Variants in DCTPP1 observed in about 807,000 individuals in gnomAD.
DCTPP1 encodes the protein dCTP pyrophosphatase 1.
Under a neutral mutation model 8.8 loss-of-function variants are expected in DCTPP1, and 8 were observed. The observed-to-expected ratio is 0.91, with a 90% confidence interval of 0.54 to 1.64. The LOEUF is 1.64. DCTPP1 is among the 40% of genes most tolerant of loss of function. The pLI, the probability that DCTPP1 is intolerant of heterozygous loss-of-function variation, is 0.00. For missense variants in DCTPP1, 231 were observed against 230.4 expected, an observed-to-expected ratio of 1.00 and a Z score of -0.02; for synonymous variants, 85 against 92.1, an observed-to-expected ratio of 0.92 and a Z score of 0.44.
intron 2 of DCTPP1, 129 bp downstream of exon 2, chr16:30,428,928 C>G (rs767408935): frequency 7.6e-5 from 76 of 1,002,444 alleles, no homozygotes; most frequent in Non-Finnish European, 1.1e-4. Flanking sequence ...CTCTCTGCAT[C>G]CCAACAACAG....
intron 1 of DCTPP1, 74 bp from the exon 2 acceptor site, chr16:30,429,241 C>A: frequency 2.0e-6 from 3 of 1,495,070 alleles, no homozygotes; most frequent in Non-Finnish European, 2.8e-6. Context: ...GGCAGCTACC[C>A]CCGTAGTATG....
At position 30,429,991 on chromosome 16, in the gene DCTPP1, G is replaced by A. The variant is rs372109503; in HGVS notation, c.-11C>T. On this transcript the variant is annotated 5_prime_UTR_variant, in exon 1 of 3. Coordinates refer to ENST00000319285, the MANE Select transcript of DCTPP1 (RefSeq NM_024096.2). ...ACCGGCCACAGACATGCCGCCCACC[G>A]CTGCACCGCGACTTCACGGAAAACC... The A allele has an allele frequency of 8.0e-6, 12 of 1,497,282 alleles. No individual in the cohort carries two copies. The highest frequency in any genetic ancestry group is 2.9e-5 in the African/African-American group (2 of 69,608). 92.7% of individuals were successfully genotyped at this position (1,497,282 alleles called of 1,614,324 possible). A position where few individuals can be genotyped will look rare whatever the true frequency, so the allele number is the denominator to read the frequency against.
At position 30,427,274 on chromosome 16, in the gene DCTPP1, T is replaced by G. The variant is rs562638258; in HGVS notation, c.212+1783A>C. Among the ~76,000 whole-genome samples the G allele has an allele frequency of 5.0e-3, 761 of 151,026 alleles. 7 individuals are homozygous for G. Among genetic ancestry groups the G allele is most frequent in the African/African-American group, 0.017 (720 of 41,164 alleles). ...ATCTGCCCGTCTCAGCCTCCCAAAG[T>G]GCTGGGATTACAGGTGTGAGCCACC... On this transcript the variant is annotated intron_variant, in intron 2 of 2. Coordinates refer to ENST00000319285, the MANE Select transcript of DCTPP1 (RefSeq NM_024096.2).
rs748330412 is a variant in DCTPP1, at chr16:30,429,900, C to CGGGCTG, written c.75_80dup (p.Ser26_Pro27dup). On this transcript the variant is annotated inframe_insertion, in exon 1 of 3. Coordinates refer to ENST00000319285, the MANE Select transcript of DCTPP1 (RefSeq NM_024096.2). ...CTTACATGTCCTCGAGCGTGGGCTCCGGGCTGAAGCTGAACCGGCCGGGAG... is the reference window on the plus strand; with the variant it reads ...CTTACATGTCCTCGAGCGTGGGCTCCGGGCTGGGGCTGAAGCTGAACCGGCCGGGAG... 15 of 1,595,520 alleles carry CGGGCTG rather than the reference C, an allele frequency of 9.4e-6. No homozygotes were observed. The highest frequency in any genetic ancestry group is 1.7e-5 in the Admixed American group (1 of 58,310).
chr16:30,426,472 G>C (rs1012228251), intron 2 of DCTPP1, among the ~76,000 whole-genome samples: 1 of 120,656 alleles, frequency 8.3e-6, no homozygotes, highest in East Asian at 2.9e-4. Flanking sequence ...ACAGCACCTG[G>C]CCGGTTTTTT....
chr16:30,428,582 C>G (rs1364492694), intron 2 of DCTPP1, among the ~76,000 whole-genome samples: 1 of 151,728 alleles, frequency 6.6e-6, no homozygotes, highest in Non-Finnish European at 1.5e-5. Context: ...CTAGCCTGAC[C>G]AATATGGTGA....
At chr16:30,425,734 T>C (rs1339968608) in intron 2 of DCTPP1, among the ~76,000 whole-genome samples, 1 of 152,090 alleles carries the variant, frequency 6.6e-6, no homozygotes, top group Non-Finnish European at 1.5e-5. Flanking sequence ...GAAGAATCGC[T>C]TGAACCCGGG....
rs770715518 is a variant in DCTPP1 at position 30,429,140 on chromosome 16, C to G, written c.129G>C (p.Ala43=). The G allele has an allele frequency of 3.1e-6, 5 of 1,613,886 alleles. No individual in the cohort carries two copies. Among genetic ancestry groups the G allele is most frequent in the Non-Finnish European group, 4.2e-6 (5 of 1,179,918 alleles). The stretch of plus-strand genomic sequence containing the variant: ...GATGGAACTGTTCCCAGTCTCGTTC[C>G]GCAGCAAACTCAGCATGGAGGCGGC... ...DIRRLHAEFA[A]ERDWEQFHQP... Residue 43 remains alanine, a synonymous_variant, in exon 2 of 3, where the codon GCG becomes GCC. Transcript: ENST00000319285.
intron 2 of DCTPP1, among the ~76,000 whole-genome samples, chr16:30,426,081 TCCCCATC>T (rs2050190684): frequency 6.6e-6 from 1 of 152,206 alleles, no homozygotes; most frequent in Admixed American, 6.5e-5. Context: ...CTTGAATGCT[TCCCCATC>T]CCCCATCATT....
In DCTPP1 at chr16:30,424,152, A is replaced by G; in HGVS notation, c.*81T>C. On this transcript the variant is annotated 3_prime_UTR_variant, in exon 3 of 3. Transcript: ENST00000319285. The stretch of plus-strand genomic sequence containing the variant: ...CTCAGGCCCATGATCTATTCTGAAA[A>G]GACTAGAAAAAGGCTCCAGGGCCAG... 6.6e-7 allele frequency: 1 copy of G among 1,506,476 alleles called. No individual in the cohort carries two copies. The highest frequency in any genetic ancestry group is 2.3e-5 in the East Asian group (1 of 42,914). 93.3% of individuals were successfully genotyped at this position (1,506,476 alleles called of 1,614,324 possible). A position where few individuals can be genotyped will look rare whatever the true frequency, so the allele number is the denominator to read the frequency against.
chr16:30,427,048 C>T (rs554358972), intron 2 of DCTPP1, among the ~76,000 whole-genome samples: 3 of 148,302 alleles, frequency 2.0e-5, no homozygotes, highest in Non-Finnish European at 4.5e-5. Context: ...CTTGCTCTGT[C>T]GCCCAGGCTA....
In DCTPP1 at chr16:30,429,848, TCCCCACCCCGAG is replaced by T. The variant is rs532394112; in HGVS notation, c.101+20_101+31del. ...CAAAACGCGGGAGAAAGGGGCGACT[TCCCCACCCCGAG>T]CTGGGCCAGGCCTGCTTACATGTCC... On this transcript the variant is annotated intron_variant, in intron 1 of 2. Coordinates refer to ENST00000319285, the MANE Select transcript of DCTPP1 (RefSeq NM_024096.2). 2.3e-4 allele frequency: 370 copies of T among 1,575,768 alleles called. 1 individual carries two copies. The African/African-American group carries it at 4.6e-3, about 19-fold the overall frequency.
chr16:30,429,109 G>C lies in DCTPP1; in HGVS notation c.160C>G (p.Arg54Gly), dbSNP rs747527404. The C allele has an allele frequency of 9.3e-6, 15 of 1,613,890 alleles. No individual in the cohort carries two copies. The highest frequency in any genetic ancestry group is 2.2e-5 in the East Asian group (1 of 44,868). Residue 54 changes from arginine (R) to glycine (G), a missense_variant, in exon 2 of 3, where the codon CGG (arginine) becomes GGG (glycine). Coordinates refer to ENST00000319285, the MANE Select transcript of DCTPP1 (RefSeq NM_024096.2). ...ERDWEQFHQP[R>G]NLLLALVGEV... is the part of the protein sequence containing the mutation. The stretch of plus-strand genomic sequence containing the variant: ...CCAACCAAGGCCAGGAGGAGATTCC[G>C]AGGCTGATGGAACTGTTCCCAGTCT...
intron 2 of DCTPP1, among the ~76,000 whole-genome samples, chr16:30,427,426 C>T (rs1190790765): frequency 6.6e-6 from 1 of 151,506 alleles, no homozygotes; most frequent in African/African-American, 2.4e-5. Flanking sequence ...GATTCTTGTG[C>T]CTCAGCCTCC....
At chr16:30,424,589 C>CT in intron 2 of DCTPP1, 56 bp from the exon 3 acceptor site, 1 of 1,575,502 alleles carries the variant, frequency 6.3e-7, no homozygotes, top group Non-Finnish European at 8.6e-7. Flanking sequence ...GCAATGGGCT[C>CT]TGCCAGTCCT....
rs781406115 is a variant in DCTPP1, at chr16:30,429,893, T to TG, written c.87dup (p.Thr30HisfsTer11). On this transcript the variant is annotated frameshift_variant, in exon 1 of 3. Transcript: ENST00000319285. LOFTEE classifies it high-confidence loss of function. ...AGGCCTGCTTACATGTCCTCGAGCG[T>TG]GGGCTCCGGGCTGAAGCTGAACCGG... 2.5e-6 allele frequency: 4 copies of TG among 1,597,092 alleles called. No homozygotes were observed. In the African/African-American group the frequency reaches 5.5e-5, roughly 22 times the overall value.
chr16:30,425,917 T>C (rs2151128637), intron 2 of DCTPP1, among the ~76,000 whole-genome samples: 1 of 152,340 alleles, frequency 6.6e-6, no homozygotes, highest in African/African-American at 2.4e-5. Context: ...TCTAAACTCT[T>C]GACAAAGCCC....
In DCTPP1 at chr16:30,424,110, C is replaced by A; in HGVS notation, c.*123G>T. 8.1e-7 allele frequency: 1 copy of A among 1,234,686 alleles called. No homozygotes were observed. Among genetic ancestry groups the A allele is most frequent in the Non-Finnish European group, 1.1e-6 (1 of 910,338 alleles). The allele number at this position is 1,234,686 out of a possible 1,614,324, so 76.5% of individuals were successfully genotyped here. A position where few individuals can be genotyped will look rare whatever the true frequency, so the allele number is the denominator to read the frequency against. On this transcript the variant is annotated 3_prime_UTR_variant, in exon 3 of 3. Transcript: ENST00000319285. ...CTTCTAGAGGCTGCTGGGCCTCAGA[C>A]CTCAAGAAGTGGAGGCCTCAGGCCC...
intron 2 of DCTPP1, among the ~76,000 whole-genome samples, chr16:30,426,555 T>C (rs1375359909): frequency 6.7e-6 from 1 of 148,618 alleles, no homozygotes; most frequent in Non-Finnish European, 1.5e-5. Context: ...CACTGCCAGC[T>C]CTGCCTCCCG....
Sources: gnomAD v4.1 joint callset for allele counts (sites outside exome capture counted in the v4.1 genomes callset) on GRCh38, gnomAD v4.1.1 for gene constraint, MANE v1.5 for transcripts, NCBI Gene and HGNC (gene_info 2026-07-23, HGNC 2026-07-21) for gene names.